SLX4IP: variants seen among roughly 807,000 people sequenced by gnomAD.
SLX4IP encodes SLX4 interacting protein, also known as protein SLX4IP.
A neutral mutation model predicts 32.9 loss-of-function variants in SLX4IP; 34 were observed. The observed-to-expected ratio is 1.03, with a 90% CI of 0.79 to 1.38. SLX4IP has a LOEUF of 1.38. Ranked by LOEUF, SLX4IP falls within the 40% of genes most tolerant of loss-of-function variation. The pLI, the probability that SLX4IP is intolerant of heterozygous loss-of-function variation, is 0.00. For missense variants in SLX4IP, 444 were observed against 479.0 expected, an observed-to-expected ratio of 0.93 and a Z score of 0.68; for synonymous variants, 172 against 171.7, an observed-to-expected ratio of 1.00 and a Z score of -0.01.
chr20:10,560,473 G>A (rs944676612), intron 3 of SLX4IP, among the ~76,000 whole-genome samples: 2 of 152,176 alleles, frequency 1.3e-5, no homozygotes, highest in South Asian at 4.1e-4. Context: ...GAAATGAAAT[G>A]ACTTTCCCAG....
intron 1 of SLX4IP, among the ~76,000 whole-genome samples, chr20:10,452,960 G>T (rs2065255655): frequency 1.3e-5 from 2 of 151,970 alleles, no homozygotes; most frequent in African/African-American, 2.4e-5. Context: ...AGCTATTGTG[G>T]TTGTTATTGT....
chr20:10,436,430 C>A (rs565648970), intron 1 of SLX4IP, among the ~76,000 whole-genome samples: 4 of 152,026 alleles, frequency 2.6e-5, no homozygotes, highest in Non-Finnish European at 5.9e-5. Flanking sequence ...GATCTTGGCT[C>A]ACTGCCATCT....
chr20:10,601,901 G>C (rs1450128953), intron 6 of SLX4IP, 82 bp downstream of exon 6: 1 of 1,269,454 alleles, frequency 7.9e-7, no homozygotes, highest in East Asian at 2.4e-5. Context: ...AGAATTGTCT[G>C]CTGTTGTCAT....
At chr20:10,474,324 C>T (rs765200719) in intron 2 of SLX4IP, among the ~76,000 whole-genome samples, 12 of 152,200 alleles carry the variant, frequency 7.9e-5, no homozygotes, top group East Asian at 1.9e-4. Flanking sequence ...AAAAGCCCAT[C>T]GTTCTGAACA....
intron 2 of SLX4IP, among the ~76,000 whole-genome samples, chr20:10,466,757 G>A (rs547962233): frequency 6.6e-6 from 1 of 152,012 alleles, no homozygotes; most frequent in South Asian, 2.1e-4. Context: ...GGAGAGGGGA[G>A]GGCTGGAATT....
chr20:10,582,103 C>A (rs1194125815), intron 4 of SLX4IP, among the ~76,000 whole-genome samples: 3 of 152,016 alleles, frequency 2.0e-5, no homozygotes, highest in African/African-American at 7.2e-5. Context: ...TCTCAGTGTG[C>A]AACAAAAGGA....
intron 2 of SLX4IP, among the ~76,000 whole-genome samples, chr20:10,553,816 A>G (rs970238479): frequency 7.2e-5 from 11 of 152,182 alleles, no homozygotes; most frequent in African/African-American, 2.7e-4. Context: ...AACACACTAA[A>G]CTGTAACACA....
intron 2 of SLX4IP, among the ~76,000 whole-genome samples, chr20:10,525,425 C>T (rs2065933157): frequency 6.6e-6 from 1 of 152,138 alleles, no homozygotes; most frequent in Admixed American, 6.5e-5. Flanking sequence ...CCCCTCTTTC[C>T]CTTCCATAGT....
At position 10,518,802 on chromosome 20, in the gene SLX4IP, T is replaced by A. The variant is rs141387160; in HGVS notation, c.28-37429T>A. Among the ~76,000 whole-genome samples the A allele has an allele frequency of 4.0e-3, 606 of 152,086 alleles. 4 individuals are homozygous for A. Among genetic ancestry groups the A allele is most frequent in the African/African-American group, 0.014 (562 of 41,476 alleles). On this transcript the variant is annotated intron_variant, in intron 2 of 7. Transcript: ENST00000334534. ...TCAGGCTAGTCTCGAACTCCTGAGT[T>A]CAAGTGATACACCCACTTTGGCCTC...
intron 6 of SLX4IP, among the ~76,000 whole-genome samples, chr20:10,617,764 T>A (rs1600161883): frequency 6.9e-6 from 1 of 145,584 alleles, no homozygotes; most frequent in East Asian, 2.3e-4. Context: ...TCCTCCCACC[T>A]CAGCCTGCTG....
intron 2 of SLX4IP, among the ~76,000 whole-genome samples, chr20:10,474,076 G>A (rs962803794): frequency 6.6e-6 from 1 of 152,162 alleles, no homozygotes; most frequent in Non-Finnish European, 1.5e-5. Context: ...ACCTGCCTCA[G>A]CATTCCAAAG....
intron 6 of SLX4IP, among the ~76,000 whole-genome samples, chr20:10,614,548 G>A (rs530541945): frequency 3.3e-5 from 5 of 152,226 alleles, no homozygotes; most frequent in African/African-American, 1.2e-4. Flanking sequence ...AAGATCTGCC[G>A]CCATAAACTC....
chr20:10,618,665 G>A (rs959058406), intron 6 of SLX4IP, among the ~76,000 whole-genome samples: 2 of 152,128 alleles, frequency 1.3e-5, no homozygotes, highest in Non-Finnish European at 2.9e-5. Context: ...AATATGTTGG[G>A]TTTATCTTCA....
intron 4 of SLX4IP, among the ~76,000 whole-genome samples, chr20:10,594,556 G>T (rs989852422): frequency 6.6e-6 from 1 of 152,174 alleles, no homozygotes; most frequent in African/African-American, 2.4e-5. Flanking sequence ...AAACAAGTGA[G>T]GCTGGATAGT....
chr20:10,540,782 T>C (rs776254780), intron 2 of SLX4IP, among the ~76,000 whole-genome samples: 6 of 152,220 alleles, frequency 3.9e-5, no homozygotes, highest in Non-Finnish European at 7.3e-5. Context: ...TTCCTCTTTG[T>C]AGTTCTCTAA....
chr20:10,530,135 A>G (rs904284282), intron 2 of SLX4IP, among the ~76,000 whole-genome samples: 2 of 152,210 alleles, frequency 1.3e-5, no homozygotes, highest in East Asian at 1.9e-4. Context: ...TTGGGAAACA[A>G]TCGTGTAAGA....
intron 3 of SLX4IP, among the ~76,000 whole-genome samples, chr20:10,559,157 G>A (rs902750685): frequency 5.9e-5 from 9 of 151,890 alleles, no homozygotes; most frequent in Non-Finnish European, 1.3e-4. Flanking sequence ...AGGCGGCAAG[G>A]CTGCCTTTTT....
At chr20:10,594,420 A>G (rs1269891751) in intron 4 of SLX4IP, among the ~76,000 whole-genome samples, 3 of 152,192 alleles carry the variant, frequency 2.0e-5, no homozygotes, top group Admixed American at 6.5e-5. Context: ...GCATTTTCCC[A>G]GGCTCGTCCA....
chr20:10,451,383 A>C (rs1013142560), intron 1 of SLX4IP, among the ~76,000 whole-genome samples: 1 of 151,854 alleles, frequency 6.6e-6, no homozygotes, highest in Admixed American at 6.6e-5. Context: ...CTGGTCTCGA[A>C]CTTTGACCCC....
Sources: allele counts gnomAD v4.1 joint callset (sites outside exome capture counted in the v4.1 genomes callset), GRCh38; gene constraint gnomAD v4.1.1; transcripts MANE v1.5; gene names NCBI Gene and HGNC (gene_info 2026-07-23, HGNC 2026-07-21).